OFD1: variants seen among roughly 807,000 people sequenced by gnomAD.
The protein encoded by OFD1 is centriole and centriolar satellite protein OFD1.
Under a neutral mutation model 81.4 loss-of-function variants are expected in OFD1, and 12 were observed. The observed-to-expected ratio is 0.15, with a 90% CI of 0.09 to 0.24. The LOEUF (loss-of-function observed/expected upper bound fraction) is 0.24, where lower values mean the gene tolerates loss of function less well. OFD1 is among the 10% of genes least tolerant of loss of function. OFD1 has a pLI of 1.00. For synonymous variants in OFD1, 256 were observed against 263.7 expected (o/e 0.97, Z 0.28); for missense variants, 685 against 733.9 (o/e 0.93, Z 0.77).
In OFD1 at chrX:13,763,648, A is replaced by G; in HGVS notation, c.2489-97A>G. ...GGGCGCACCCAGTTACTTTGGCTTC[A>G]GTTCCCGTGCTCCAGTCAGTTGCCC... On this transcript the variant is annotated intron_variant, in intron 18 of 22. Coordinates refer to ENST00000340096, the MANE Select transcript of OFD1 (RefSeq NM_003611.3). The G allele has an allele frequency of 7.5e-6, 5 of 667,505 alleles. No individual in the cohort carries two copies. The South Asian group carries it at 1.1e-4, about 15-fold the overall frequency. 55.0% of individuals were successfully genotyped at this position (667,505 alleles called of 1,213,427 possible).
chrX:13,745,613 C>T (rs901697305), intron 6 of OFD1, among the ~76,000 whole-genome samples: 2 of 111,780 alleles, frequency 1.8e-5, no homozygotes, highest in Admixed American at 1.9e-4. Flanking sequence ...TAAACACTAT[C>T]GATGTTTTAA....
intron 11 of OFD1, among the ~76,000 whole-genome samples, chrX:13,754,413 C>CTTTTTTT (rs869303506): frequency 1.1e-5 from 1 of 90,250 alleles, no homozygotes; most frequent in African/African-American, 4.2e-5. Flanking sequence ...TGGCTACTGT[C>CTTTTTTT]TTTTTTTTTT....
chrX:13,746,556 C>T (rs2047305725), intron 7 of OFD1, 101 bp downstream of exon 7: 1 of 1,011,025 alleles, frequency 9.9e-7, no homozygotes, highest in Non-Finnish European at 1.4e-6. Context: ...CTTTTAATAA[C>T]GAATGGGATA....
At chrX:13,765,020 A>G (rs16979188) in intron 19 of OFD1, among the ~76,000 whole-genome samples, 1,595 of 112,045 alleles carry the variant, frequency 0.014, 31 homozygotes, top group African/African-American at 0.048. Context: ...GGGAATACAA[A>G]TAATGTGATA....
chrX:13,741,211 C>G (rs750219306), intron 5 of OFD1, among the ~76,000 whole-genome samples: 155 of 112,178 alleles, frequency 1.4e-3, no homozygotes, highest in Non-Finnish European at 2.2e-3. Flanking sequence ...GCCGACAGCC[C>G]TTACCAGCTT....
At chrX:13,720,998 G>A in the OFD1 span, 1 of 96,683 alleles carries the variant, frequency 1.0e-5, no homozygotes, top group Non-Finnish European at 2.0e-5. Flanking sequence ...CTGCACTCCA[G>A]TCTAAGTGAC....
intron 11 of OFD1, 69 bp downstream of exon 11, chrX:13,753,510 G>A: frequency 9.6e-7 from 1 of 1,039,587 alleles, no homozygotes; most frequent in Non-Finnish European, 1.3e-6. Flanking sequence ...CCCAAGTTGG[G>A]TCTTTTCTAT....
chrX:13,772,721 G>A, downstream of OFD1: 2 of 388,145 alleles, frequency 5.2e-6, no homozygotes, highest in South Asian at 1.9e-4. Flanking sequence ...TTTACCCACT[G>A]GAAGGTTTTC....
chrX:13,722,208 C>CAGAAAAAAAAAAAAAAAAA, the OFD1 span: 2 of 36,116 alleles, frequency 5.5e-5, no homozygotes, highest in Non-Finnish European at 1.0e-4. Context: ...TAAGCAGCAG[C>CAGAAAAAAAAAAAAAAAAA]AAAAAAAAAA....
chrX:13,744,412 T>C lies in OFD1; in HGVS notation c.413-3T>C. 1 of 1,085,287 alleles carries C rather than the reference T, an allele frequency of 9.2e-7. No homozygotes were observed. Among genetic ancestry groups the C allele is most frequent in the Non-Finnish European group, 1.3e-6 (1 of 781,429 alleles). The allele number at this position is 1,085,287 out of a possible 1,213,427, so 89.4% of individuals were successfully genotyped here. Reference sequence around the variant, plus strand: ...AACAAAACTGTATGCATATGTTTTTTAGGTTTTCTTATGCATTTTTTAAAA... The same window carrying C: ...AACAAAACTGTATGCATATGTTTTTCAGGTTTTCTTATGCATTTTTTAAAA... On this transcript the variant is annotated splice_region_variant and splice_polypyrimidine_tract_variant and intron_variant, in intron 5 of 22. Coordinates refer to ENST00000340096, the MANE Select transcript of OFD1 (RefSeq NM_003611.3).
chrX:13,717,897 A>G, the OFD1 span, among the ~76,000 whole-genome samples: 1 of 112,135 alleles, frequency 8.9e-6, no homozygotes, highest in Non-Finnish European at 1.9e-5. Context: ...ATGAGGTCAC[A>G]CTGGAGTAGG....
At position 13,760,383 on chromosome X, in the gene OFD1, G is replaced by A. The variant is rs145300245; in HGVS notation, c.1923G>A (p.Glu641=). ...CAAGGGTCAAAGAGCTTCAGCAAGA[G>A]GCCGAACGCTTGGAAAAGGCTTTCA... ...TKARVKELQQ[E]AERLEKAFRS... Residue 641 remains glutamate (E), a synonymous_variant, in exon 16 of 23, where the codon GAG becomes GAA. Transcript: ENST00000340096. 4.5e-3 allele frequency: 5,495 copies of A among 1,207,779 alleles called. 9 individuals are homozygous for A. The highest frequency in any genetic ancestry group is 5.8e-3 in the Non-Finnish European group (5,199 of 893,835).
chrX:13,732,968 G>A (rs934047939), upstream of OFD1, among the ~76,000 whole-genome samples: 5 of 112,297 alleles, frequency 4.5e-5, no homozygotes, highest in Non-Finnish European at 7.5e-5. Context: ...ATGAGGAGGG[G>A]CAGTAGGAAT....
chrX:13,720,168 C>A, the OFD1 span: 1 of 286,355 alleles, frequency 3.5e-6, no homozygotes, highest in Non-Finnish European at 6.1e-6. Flanking sequence ...AATTATGTAT[C>A]TATGATATGA....
chrX:13,735,038 G>A lies in OFD1; in HGVS notation c.-34G>A, dbSNP rs1306739844. The A allele has an allele frequency of 2.5e-6, 3 of 1,185,705 alleles. No individual in the cohort carries two copies. Among genetic ancestry groups the A allele is most frequent in the Admixed American group, 4.4e-5 (2 of 45,206 alleles). ...CACTAAACTCGGGCCGCGGCGGGGC[G>A]AGCGAGGCGGGCTCCGGAGGGAGCT... On this transcript the variant is annotated 5_prime_UTR_variant, in exon 1 of 23. Coordinates refer to ENST00000340096, the MANE Select transcript of OFD1 (RefSeq NM_003611.3).
the OFD1 span, among the ~76,000 whole-genome samples, chrX:13,728,095 G>C: frequency 9.0e-6 from 1 of 111,662 alleles, no homozygotes; most frequent in Non-Finnish European, 1.9e-5. Context: ...TTCTGAAATC[G>C]AGGCAATAAT....
rs368987634 is a variant in OFD1, at chrX:13,751,219, A to G, written c.936-30A>G. Reference sequence around the variant, plus strand: ...TTTGTTAGCTCAGCTATGGTAGTTTATTTACTTTTTATATTTTTGTTAATT... The same window carrying G: ...TTTGTTAGCTCAGCTATGGTAGTTTGTTTACTTTTTATATTTTTGTTAATT... On this transcript the variant is annotated intron_variant, in intron 9 of 22. Transcript: ENST00000340096. 17 of 1,194,399 alleles carry G rather than the reference A, an allele frequency of 1.4e-5. No individual in the cohort carries two copies. The African/African-American group carries it at 2.8e-4, about 20-fold the overall frequency.
chrX:13,760,695 C>T lies in OFD1; in HGVS notation c.2235C>T (p.Ser745=), dbSNP rs372503752. ...SSTPLPKAKR[S]LESEMYLEGL... ...CACCCCTTCCAAAAGCAAAAAGAAG[C>T]CTCGAAAGTGAAATGTATCTGGAAG... is the stretch of plus-strand genomic sequence containing the variant. The change falls in exon 16 of 23, where the codon AGC becomes AGT. Residue 745 remains serine, a synonymous_variant. Coordinates refer to ENST00000340096, the MANE Select transcript of OFD1 (RefSeq NM_003611.3). 115 of 1,209,594 alleles carry T rather than the reference C, an allele frequency of 9.5e-5. No individual in the cohort carries two copies. The highest frequency in any genetic ancestry group is 2.6e-4 in the Admixed American group (12 of 45,834).
chrX:13,734,501 C>G (rs1466416840), upstream of OFD1: 10 of 229,209 alleles, frequency 4.4e-5, no homozygotes, highest in African/African-American at 2.9e-4. Flanking sequence ...ACCCGCCCCC[C>G]GCCGCACTTG....
Sources: gnomAD v4.1 joint callset for allele counts (sites outside exome capture counted in the v4.1 genomes callset) on GRCh38, gnomAD v4.1.1 for gene constraint, MANE v1.5 for transcripts, NCBI Gene and HGNC (gene_info 2026-07-23, HGNC 2026-07-21) for gene names.